Variants in AHNAK observed in about 807,000 individuals in gnomAD.
AHNAK encodes neuroblast differentiation-associated protein AHNAK.
Under a neutral mutation model 37.8 loss-of-function variants are expected in AHNAK, and 23 were observed. That is an observed-to-expected ratio of 0.61 (90% CI 0.44 to 0.86). The LOEUF (loss-of-function observed/expected upper bound fraction) is 0.86. Among genes scored for constraint, AHNAK ranks in the 40% least tolerant of loss-of-function variants. The probability of loss-of-function intolerance (pLI) is 0.00; values close to 1 mark genes in which losing one functional copy is unlikely to be tolerated. For synonymous variants in AHNAK, 2,481 were observed against 2,636.3 expected, an observed-to-expected ratio of 0.94 and a Z score of 1.80; for missense variants, 7,411 against 7,319.4, an observed-to-expected ratio of 1.01 and a Z score of -0.46.
In AHNAK at chr11:62,533,733, G is replaced by T; in HGVS notation, c.684C>A (p.Ala228=). 2 of 1,614,178 alleles carry T rather than the reference G, an allele frequency of 1.2e-6. No homozygotes were observed. Among genetic ancestry groups the T allele is most frequent in the Non-Finnish European group, 1.7e-6 (2 of 1,180,034 alleles). ...GGAGCTCTGGTCCTGAAGCAGAAAT[G>T]GCCCCTGCTCGGATATCCACAGCAG... ...TGSAVDIRAG[A]ISASGPELQG... The change falls in exon 5 of 5, where the codon GCC becomes GCA. Residue 228 remains alanine (A), a synonymous_variant. Transcript: ENST00000378024.
intron 5 of AHNAK, among the ~76,000 whole-genome samples, chr11:62,460,791 T>C (rs1345251485): frequency 6.6e-6 from 1 of 151,932 alleles, no homozygotes; most frequent in East Asian, 1.9e-4. Context: ...GAGGTGGCTG[T>C]CATGTGGTAG....
rs779241308 is a variant in AHNAK at position 62,517,480 on chromosome 11, T to C, written c.16937A>G (p.Gln5646Arg). 2 of 1,614,170 alleles carry C rather than the reference T, an allele frequency of 1.2e-6. No individual in the cohort carries two copies. Among genetic ancestry groups the C allele is most frequent in the Non-Finnish European group, 1.7e-6 (2 of 1,180,044 alleles). ...QAPGLSVSGP[Q>R]GHLESGSGKV... The stretch of plus-strand genomic sequence containing the variant: ...TCCAGATCCACTTTCCAAGTGACCT[T>C]GAGGCCCAGACACACTCAGCCCAGG... The change falls in exon 5 of 5, where the codon CAA (glutamine) becomes CGA (arginine). Residue 5646 changes from glutamine (Q) to arginine (R), a missense_variant. Transcript: ENST00000378024.
In AHNAK at chr11:62,532,312, A is replaced by C. The variant is rs574729524; in HGVS notation, c.2105T>G (p.Val702Gly). 2 of 1,614,092 alleles carry C rather than the reference A, an allele frequency of 1.2e-6. No homozygotes were observed. Among genetic ancestry groups the C allele is most frequent in the South Asian group, 2.2e-5 (2 of 91,070 alleles). The change falls in exon 5 of 5, where the codon GTA becomes GGA. Residue 702 changes from valine (V) to glycine (G), a missense_variant. Val to Gly is a moderately radical substitution (Grantham distance 109, BLOSUM62 -3). Coordinates refer to ENST00000378024, the MANE Select transcript of AHNAK (RefSeq NM_001620.3). ...VKTPKISMPD[V>G]DLHVKGTKVK... ...CTTTGTACCTTTCACGTGCAAATCT[A>C]CATCAGGCATGGAGATCTTTGGTGT... is the stretch of plus-strand genomic sequence containing the variant.
At chr11:62,541,476 TC>T (rs2134265762) in intron 1 of AHNAK, among the ~76,000 whole-genome samples, 1 of 151,912 alleles carries the variant, frequency 6.6e-6, no homozygotes, top group East Asian at 1.9e-4. Flanking sequence ...CCCCCAACAT[TC>T]GGAACCAGGA....
intron 1 of AHNAK, among the ~76,000 whole-genome samples, chr11:62,539,407 C>A (rs1462204656): frequency 6.6e-6 from 1 of 152,256 alleles, no homozygotes; most frequent in African/African-American, 2.4e-5. Flanking sequence ...AAAGAGCTAG[C>A]TGGGCCAGCT....
chr11:62,520,942 T>C lies in AHNAK; in HGVS notation c.13475A>G (p.Glu4492Gly). ...PKVESDLKGPEVDIEGPEGKL... is the reference protein window; with the variant it reads ...PKVESDLKGPGVDIEGPEGKL... ...CCCTTCAGGACCTTCAATGTCTACC[T>C]CTGGCCCTTTCAGATCACTTTCCAC... Residue 4492 changes from glutamate to glycine, a missense_variant, in exon 5 of 5, where the codon GAG becomes GGG. Transcript: ENST00000378024. 1 of 1,614,194 alleles carries C rather than the reference T, an allele frequency of 6.2e-7. No homozygotes were observed. Among genetic ancestry groups the C allele is most frequent in the Non-Finnish European group, 8.5e-7 (1 of 1,180,038 alleles).
chr11:62,481,080 CTTTTTTTGGTTTTT>C (rs759944960), intron 5 of AHNAK, among the ~76,000 whole-genome samples: 1 of 142,312 alleles, frequency 7.0e-6, no homozygotes, highest in East Asian at 2.0e-4. Context: ...CTTCTCTTTT[CTTTTTTTGGTTTTT>C]TTTTTTTTGG....
Position 62,524,411 on chromosome 11 carries a change from C to T in AHNAK, c.10006G>A (p.Val3336Ile), listed in dbSNP as rs772113273. 1.2e-5 allele frequency: 19 copies of T among 1,611,950 alleles called. No homozygotes were observed. The African/African-American group carries it at 1.5e-4, about 12-fold the overall frequency. ...SLDIKGPEVDVSGPKLNIEGK... is the reference protein window; with the variant it reads ...SLDIKGPEVDISGPKLNIEGK... ...TCGATATTAAGCTTAGGACCGGAAACGTCCACTTCTGGGCCCTTTATATCC... is the reference window on the plus strand; with the variant it reads ...TCGATATTAAGCTTAGGACCGGAAATGTCCACTTCTGGGCCCTTTATATCC... Residue 3336 changes from valine (V) to isoleucine (I), a missense_variant, in exon 5 of 5, where the codon GTT (valine) becomes ATT (isoleucine). By Grantham distance (29) the Val-to-Ile change is conservative. Transcript: ENST00000378024.
chr11:62,477,615 A>G (rs894763739), intron 5 of AHNAK, among the ~76,000 whole-genome samples: 3 of 152,166 alleles, frequency 2.0e-5, no homozygotes, highest in Non-Finnish European at 4.4e-5. Flanking sequence ...CAGCCTGGCC[A>G]ACATGGTGAA....
At chr11:62,500,728 T>C (rs1428371129) in intron 4 of AHNAK, among the ~76,000 whole-genome samples, 1 of 152,214 alleles carries the variant, frequency 6.6e-6, no homozygotes, top group Admixed American at 6.5e-5. Flanking sequence ...GCCTCACCAC[T>C]TTACATAGTA....
chr11:62,470,401 G>A (rs889680009), intron 5 of AHNAK, among the ~76,000 whole-genome samples: 3 of 149,670 alleles, frequency 2.0e-5, no homozygotes, highest in Non-Finnish European at 4.4e-5. Flanking sequence ...AGCTAAGATT[G>A]TACCACTGCA....
chr11:62,445,109 C>T (rs1210497046), intron 5 of AHNAK, among the ~76,000 whole-genome samples: 6 of 152,078 alleles, frequency 3.9e-5, no homozygotes, highest in South Asian at 2.1e-4. Context: ...TGCCAGACAG[C>T]GATGATAGGG....
At chr11:62,443,456 G>A (rs1938357017) in intron 5 of AHNAK, among the ~76,000 whole-genome samples, 3 of 151,692 alleles carry the variant, frequency 2.0e-5, no homozygotes, top group African/African-American at 4.8e-5. Context: ...ATTTTTAGTA[G>A]AGATGGGGTT....
chr11:62,502,175 C>T (rs1939724566), intron 4 of AHNAK, among the ~76,000 whole-genome samples: 2 of 152,216 alleles, frequency 1.3e-5, no homozygotes, highest in South Asian at 2.1e-4. Context: ...TCAGAGTCTC[C>T]AAGCTTTTCC....
intron 5 of AHNAK, among the ~76,000 whole-genome samples, chr11:62,477,497 C>A (rs1401351305): frequency 6.6e-6 from 1 of 151,486 alleles, no homozygotes; most frequent in Non-Finnish European, 1.5e-5. Context: ...TTCACATGCA[C>A]CCCCGAACCT....
intron 4 of AHNAK, among the ~76,000 whole-genome samples, chr11:62,501,931 G>C (rs959635256): frequency 4.6e-5 from 7 of 152,208 alleles, no homozygotes; most frequent in Non-Finnish European, 1.5e-5. Flanking sequence ...CTCTAGGAAG[G>C]AAGGGAAGGA....
intron 5 of AHNAK, among the ~76,000 whole-genome samples, chr11:62,487,865 T>C (rs1939424302): frequency 6.6e-6 from 1 of 152,114 alleles, no homozygotes; most frequent in Non-Finnish European, 1.5e-5. Flanking sequence ...CAGGAAAGGC[T>C]TGTTTCTCAC....
chr11:62,496,519 G>A (rs1024300275), intron 4 of AHNAK, among the ~76,000 whole-genome samples: 1 of 152,152 alleles, frequency 6.6e-6, no homozygotes, highest in Non-Finnish European at 1.5e-5. Flanking sequence ...CAGGTTGGCC[G>A]GGAGCGGTGG....
chr11:62,454,173 G>A (rs1176067211), intron 5 of AHNAK, among the ~76,000 whole-genome samples: 1 of 151,796 alleles, frequency 6.6e-6, no homozygotes, highest in Admixed American at 6.6e-5. Context: ...CAGCACTTTG[G>A]GAGGCGGAGG....
Sources: allele counts gnomAD v4.1 joint callset (sites outside exome capture counted in the v4.1 genomes callset), GRCh38; gene constraint gnomAD v4.1.1; transcripts MANE v1.5; gene names NCBI Gene and HGNC (gene_info 2026-07-23, HGNC 2026-07-21).